Variants in HS3ST5 observed in about 807,000 individuals in gnomAD.
HS3ST5 encodes the protein heparan sulfate glucosamine 3-O-sulfotransferase 5.
In HS3ST5, 10 loss-of-function variants were observed where a neutral mutation model predicts 25.4. The observed-to-expected ratio is 0.39, with a 90% confidence interval of 0.24 to 0.67. The LOEUF (loss-of-function observed/expected upper bound fraction) is 0.67, where lower values mean the gene tolerates loss of function less well. HS3ST5 is among the 30% of genes least tolerant of loss of function. The probability of loss-of-function intolerance (pLI) is 0.44; values close to 1 mark genes in which losing one functional copy is unlikely to be tolerated. For synonymous variants in HS3ST5, 170 were observed against 162.4 expected, an observed-to-expected ratio of 1.05 and a Z score of -0.36; for missense variants, 324 against 420.7, an observed-to-expected ratio of 0.77 and a Z score of 2.01.
intron 3 of HS3ST5, among the ~76,000 whole-genome samples, chr6:114,086,061 A>G (rs1582583759): frequency 6.6e-6 from 1 of 150,908 alleles, no homozygotes; most frequent in East Asian, 2.0e-4. Flanking sequence ...AGTTTACAGG[A>G]AAAAAAACGG....
intron 3 of HS3ST5, among the ~76,000 whole-genome samples, chr6:114,153,531 C>A (rs1296747220): frequency 6.6e-6 from 1 of 152,202 alleles, no homozygotes; most frequent in Non-Finnish European, 1.5e-5. Flanking sequence ...ATGGGGCAGA[C>A]TCCCGTTGCA....
intron 2 of HS3ST5, among the ~76,000 whole-genome samples, chr6:114,213,396 G>A (rs993334753): frequency 1.3e-5 from 2 of 151,784 alleles, no homozygotes; most frequent in Admixed American, 6.6e-5. Flanking sequence ...GGCAACATTG[G>A]GCAGGAAAAC....
intron 1 of HS3ST5, among the ~76,000 whole-genome samples, chr6:114,243,783 G>C (rs562033391): frequency 6.6e-6 from 1 of 152,272 alleles, no homozygotes; most frequent in East Asian, 1.9e-4. Context: ...CATGTGACTT[G>C]TGTTGTTCAA....
At chr6:114,299,819 C>T (rs1774995466) in intron 1 of HS3ST5, among the ~76,000 whole-genome samples, 1 of 152,170 alleles carries the variant, frequency 6.6e-6, no homozygotes, top group Non-Finnish European at 1.5e-5. Flanking sequence ...ATATACTATA[C>T]CTCAGTGAAA....
At chr6:114,176,682 T>TA (rs890078388) in intron 2 of HS3ST5, among the ~76,000 whole-genome samples, 1 of 151,902 alleles carries the variant, frequency 6.6e-6, no homozygotes, top group Admixed American at 6.6e-5. Context: ...TAAATGATTC[T>TA]AAAAAAAACT....
chr6:114,161,518 G>GTT lies in HS3ST5; in HGVS notation c.-33+6831_-33+6832dup, dbSNP rs1469510906. ...TCTAAAACGACAGTTGCTTCCTGAA[G>GTT]TTTTATATATATATATATATATATA... is the stretch of plus-strand genomic sequence containing the variant. On this transcript the variant is annotated intron_variant, in intron 3 of 4. Transcript: ENST00000312719. Among the ~76,000 whole-genome samples the GTT allele has an allele frequency of 2.9e-3, 129 of 44,678 alleles. 2 individuals are homozygous for GTT. Among genetic ancestry groups the GTT allele is most frequent in the African/African-American group, 5.1e-3 (66 of 12,818 alleles). The allele number at this position is 44,678 out of a possible 152,430, so 29.3% of individuals were successfully genotyped here.
chr6:114,223,471 G>A (rs1213877643), intron 2 of HS3ST5, among the ~76,000 whole-genome samples: 1 of 151,758 alleles, frequency 6.6e-6, no homozygotes, highest in Non-Finnish European at 1.5e-5. Context: ...ATGAAGGCAG[G>A]AAACCTGCTG....
intron 1 of HS3ST5, among the ~76,000 whole-genome samples, chr6:114,270,948 T>C (rs937106474): frequency 8.5e-5 from 13 of 152,056 alleles, no homozygotes; most frequent in Admixed American, 5.9e-4. Context: ...TCCATGTTTT[T>C]TTTTTAAAAA....
At chr6:114,255,655 C>G (rs1403215226) in intron 1 of HS3ST5, among the ~76,000 whole-genome samples, 2 of 152,180 alleles carry the variant, frequency 1.3e-5, no homozygotes, top group African/African-American at 4.8e-5. Flanking sequence ...CAGAGATTCC[C>G]AAACCTCAAT....
chr6:114,161,572 T>TATAA (rs1778973589), intron 3 of HS3ST5, among the ~76,000 whole-genome samples: 2 of 103,524 alleles, frequency 1.9e-5, no homozygotes, highest in Non-Finnish European at 3.9e-5. Context: ...TATATATATA[T>TATAA]ATAAAATGCA....
intron 1 of HS3ST5, among the ~76,000 whole-genome samples, chr6:114,285,799 C>G (rs543832180): frequency 6.6e-6 from 1 of 151,988 alleles, no homozygotes; most frequent in East Asian, 2.0e-4. Context: ...GCACATCCTG[C>G]ACATGTATCC....
rs111375424 is a variant in HS3ST5 at position 114,086,125 on chromosome 6, T to C, written c.-32-23248A>G. ...ATTAAAGGCAGTGTGGAATTGTACA[T>C]GGCTCCCATAACCTTTGTCTTGGTG... is the stretch of plus-strand genomic sequence containing the variant. On this transcript the variant is annotated intron_variant, in intron 3 of 4. Transcript: ENST00000312719. Among the ~76,000 whole-genome samples, 483 of 152,316 alleles carry C rather than the reference T, an allele frequency of 3.2e-3. 14 individuals carry two copies. Among genetic ancestry groups the C allele is most frequent in the African/African-American group, 0.011 (459 of 41,572 alleles).
chr6:114,136,810 A>G (rs1777640747), intron 3 of HS3ST5, among the ~76,000 whole-genome samples: 1 of 152,146 alleles, frequency 6.6e-6, no homozygotes, highest in African/African-American at 2.4e-5. Flanking sequence ...ATCATTCTAG[A>G]CATTTTCATG....
chr6:114,184,484 G>A (rs1460997735), intron 2 of HS3ST5, among the ~76,000 whole-genome samples: 1 of 152,162 alleles, frequency 6.6e-6, no homozygotes, highest in Non-Finnish European at 1.5e-5. Context: ...TGAACTAAAA[G>A]AGAAAGAGAT....
rs142120001 is a variant in HS3ST5 at position 114,255,064 on chromosome 6, G to A, written c.-338-26286C>T. 6.4e-3 allele frequency among the ~76,000 whole-genome samples: 970 copies of A among 152,270 alleles called. 10 individuals are homozygous for A. The highest frequency in any genetic ancestry group is 0.021 in the African/African-American group (884 of 41,546). On this transcript the variant is annotated intron_variant, in intron 1 of 4. Coordinates refer to ENST00000312719, the MANE Select transcript of HS3ST5 (RefSeq NM_153612.4). ...AAGTCTCATCTGAGACAATGCTAGT[G>A]ACTTCCACATATGAGCCTGTAAAAT...
chr6:114,198,611 A>C (rs1172634480), intron 2 of HS3ST5, among the ~76,000 whole-genome samples: 1 of 152,222 alleles, frequency 6.6e-6, no homozygotes, highest in African/African-American at 2.4e-5. Context: ...GTGATTCACC[A>C]GGTTGTATGA....
At chr6:114,282,545 T>C (rs1351964843) in intron 1 of HS3ST5, among the ~76,000 whole-genome samples, 1 of 152,012 alleles carries the variant, frequency 6.6e-6, no homozygotes, top group Admixed American at 6.6e-5. Context: ...GAAGCTTTAA[T>C]TACGGTGACT....
intron 3 of HS3ST5, among the ~76,000 whole-genome samples, chr6:114,073,386 T>C (rs1773941316): frequency 6.6e-6 from 1 of 152,150 alleles, no homozygotes. Flanking sequence ...TTTTGCAATG[T>C]ATCCACCTGA....
At chr6:114,158,127 G>A (rs540977653) in intron 3 of HS3ST5, among the ~76,000 whole-genome samples, 1 of 152,320 alleles carries the variant, frequency 6.6e-6, no homozygotes, top group African/African-American at 2.4e-5. Context: ...CACTGTAACT[G>A]TCTGTGGACT....
Sources: allele counts gnomAD v4.1 joint callset (sites outside exome capture counted in the v4.1 genomes callset), GRCh38; gene constraint gnomAD v4.1.1; transcripts MANE v1.5; gene names NCBI Gene and HGNC (gene_info 2026-07-23, HGNC 2026-07-21).